RGS6: variants seen among roughly 807,000 people sequenced by gnomAD.
RGS6 encodes the protein regulator of G protein signaling 6.
Under a neutral mutation model 78.5 loss-of-function variants are expected in RGS6, and 30 were observed. The observed-to-expected ratio is 0.38, with a 90% confidence interval of 0.29 to 0.52. The LOEUF (loss-of-function observed/expected upper bound fraction) is 0.52, where lower values mean the gene tolerates loss of function less well. Among genes scored for constraint, RGS6 ranks in the 20% least tolerant of loss-of-function variants. RGS6 has a pLI of 0.85. For synonymous variants in RGS6, 206 were observed against 206.0 expected (o/e 1.00, Z 0.00); for missense variants, 495 against 609.7 (o/e 0.81, Z 1.98).
intron 3 of RGS6, among the ~76,000 whole-genome samples, chr14:72,407,912 A>G (rs979701494): frequency 6.6e-6 from 1 of 152,238 alleles, no homozygotes; most frequent in Non-Finnish European, 1.5e-5. Flanking sequence ...TATGAGAAGG[A>G]GCCCTATATT....
chr14:72,108,026 T>G (rs548603569), intron 2 of RGS6, among the ~76,000 whole-genome samples: 1 of 152,328 alleles, frequency 6.6e-6, no homozygotes, highest in South Asian at 2.1e-4. Context: ...TTTAATGTTC[T>G]TAGTTTCATA....
intron 2 of RGS6, among the ~76,000 whole-genome samples, chr14:72,285,431 G>C (rs1182653342): frequency 6.6e-6 from 1 of 152,050 alleles, no homozygotes; most frequent in Non-Finnish European, 1.5e-5. Flanking sequence ...TCTTTCACTT[G>C]GTTCTCATTC....
chr14:72,586,618 C>T, the RGS6 span, among the ~76,000 whole-genome samples: 5 of 152,084 alleles, frequency 3.3e-5, no homozygotes, highest in African/African-American at 1.2e-4. Flanking sequence ...GTCAGAAAGG[C>T]CTCTTTAATC....
intron 3 of RGS6, among the ~76,000 whole-genome samples, chr14:72,448,743 G>A (rs993917483): frequency 1.3e-5 from 2 of 151,996 alleles, no homozygotes; most frequent in Admixed American, 6.6e-5. Flanking sequence ...AATACATACA[G>A]AATATCGGTT....
chr14:72,123,579 TG>T (rs2096112500), intron 2 of RGS6, among the ~76,000 whole-genome samples: 1 of 152,192 alleles, frequency 6.6e-6, no homozygotes, highest in African/African-American at 2.4e-5. Flanking sequence ...GGAAACCTGG[TG>T]TGGCAGAAAT....
intron 2 of RGS6, among the ~76,000 whole-genome samples, chr14:72,132,661 T>A (rs952236184): frequency 1.2e-4 from 18 of 152,176 alleles, no homozygotes; most frequent in Admixed American, 7.9e-4. Flanking sequence ...TCTTTTTTTT[T>A]AAACGGATAA....
intron 2 of RGS6, among the ~76,000 whole-genome samples, chr14:72,187,364 T>G (rs2097261856): frequency 6.6e-6 from 1 of 152,252 alleles, no homozygotes; most frequent in Non-Finnish European, 1.5e-5. Context: ...TAGATTGTGC[T>G]GATTCTATTC....
At position 72,529,866 on chromosome 14, in the gene RGS6, T is replaced by C. The variant is rs1356388788; in HGVS notation, c.1279-6320T>C. Among the ~76,000 whole-genome samples the C allele has an allele frequency of 2.6e-5, 4 of 152,252 alleles. No homozygotes were observed. The South Asian group carries it at 6.2e-4, about 24-fold the overall frequency. ...GCTAAATGCGTCTCTGTGCAAAGTC[T>C]ATCTTGCCTAGTTGGATCTAAGCTT... is the stretch of plus-strand genomic sequence containing the variant. On this transcript the variant is annotated intron_variant, in intron 15 of 17. Coordinates refer to ENST00000553525, the MANE Select transcript of RGS6 (RefSeq NM_001204424.2).
At chr14:72,601,446 G>A in the RGS6 span, among the ~76,000 whole-genome samples, 1 of 152,264 alleles carries the variant, frequency 6.6e-6, no homozygotes, top group South Asian at 2.1e-4. Flanking sequence ...AGGTGCTCCA[G>A]GTCGGACCTC....
At chr14:72,471,192 A>C (rs1267402986) in intron 8 of RGS6, among the ~76,000 whole-genome samples, 2 of 152,248 alleles carry the variant, frequency 1.3e-5, no homozygotes, top group Non-Finnish European at 2.9e-5. Flanking sequence ...TGAAAGGAAG[A>C]AAAAAGTTGG....
the RGS6 span, among the ~76,000 whole-genome samples, chr14:72,583,229 A>T: frequency 6.6e-6 from 1 of 152,160 alleles, no homozygotes; most frequent in Non-Finnish European, 1.5e-5. Flanking sequence ...CCATGCTACT[A>T]GGTCCCCTTG....
At chr14:72,258,520 C>A (rs1446592172) in intron 2 of RGS6, among the ~76,000 whole-genome samples, 1 of 152,194 alleles carries the variant, frequency 6.6e-6, no homozygotes, top group Non-Finnish European at 1.5e-5. Context: ...TTCTATAGTA[C>A]CCAAGTCTGG....
At chr14:72,256,047 G>A (rs2057008466) in intron 2 of RGS6, among the ~76,000 whole-genome samples, 1 of 152,160 alleles carries the variant, frequency 6.6e-6, no homozygotes, top group Non-Finnish European at 1.5e-5. Context: ...CTTGCCTGCT[G>A]CACAGACAGA....
At chr14:72,263,968 T>C (rs1196676705) in intron 2 of RGS6, among the ~76,000 whole-genome samples, 1 of 152,216 alleles carries the variant, frequency 6.6e-6, no homozygotes, top group African/African-American at 2.4e-5. Flanking sequence ...AAAGGCCATA[T>C]CGTATACACA....
intron 3 of RGS6, among the ~76,000 whole-genome samples, chr14:72,377,315 G>C (rs1463232943): frequency 6.6e-6 from 1 of 152,120 alleles, no homozygotes; most frequent in Non-Finnish European, 1.5e-5. Flanking sequence ...GGCATTATAT[G>C]ATGACGAAGA....
chr14:71,947,851 T>C (rs2091761724), intron 1 of RGS6, among the ~76,000 whole-genome samples: 1 of 152,218 alleles, frequency 6.6e-6, no homozygotes, highest in Non-Finnish European at 1.5e-5. Flanking sequence ...GTTGGGTATA[T>C]GAAGATGAAC....
At position 72,482,157 on chromosome 14, in the gene RGS6, C is replaced by G. The variant is rs1452576261; in HGVS notation, c.854+3828C>G. 2.6e-5 allele frequency among the ~76,000 whole-genome samples: 4 copies of G among 152,140 alleles called. No individual in the cohort carries two copies. In the South Asian group the frequency reaches 8.3e-4, roughly 32 times the overall value. ...CAGTGTTTCTTAAATATGGTTCATC[C>G]ACTTTACTTCCTAATAAAAGGACAC... On this transcript the variant is annotated intron_variant, in intron 12 of 17. Coordinates refer to ENST00000553525, the MANE Select transcript of RGS6 (RefSeq NM_001204424.2).
chr14:72,276,007 T>C (rs574961311), intron 2 of RGS6, among the ~76,000 whole-genome samples: 5 of 152,234 alleles, frequency 3.3e-5, no homozygotes, highest in Admixed American at 6.5e-5. Context: ...CAGGGCAGAA[T>C]TGGGGGAAGG....
chr14:72,316,776 T>G (rs2070369292), intron 2 of RGS6, among the ~76,000 whole-genome samples: 1 of 152,110 alleles, frequency 6.6e-6, no homozygotes, highest in Admixed American at 6.6e-5. Context: ...TTGGCATTAT[T>G]TTTTTTCTGC....
Sources: gnomAD v4.1 joint callset for allele counts (sites outside exome capture counted in the v4.1 genomes callset) on GRCh38, gnomAD v4.1.1 for gene constraint, MANE v1.5 for transcripts, NCBI Gene and HGNC (gene_info 2026-07-23, HGNC 2026-07-21) for gene names.